SUN1: variants seen among roughly 807,000 people sequenced by gnomAD.
SUN1 encodes the protein SUN domain-containing protein 1.
A neutral mutation model predicts 103.2 loss-of-function variants in SUN1; 61 were observed. The observed-to-expected ratio is 0.59, with a 90% CI of 0.48 to 0.73. SUN1 has a LOEUF of 0.73. Ranked by LOEUF, SUN1 falls within the 30% of genes least tolerant of loss-of-function variation. The probability of loss-of-function intolerance (pLI) is 0.00; values close to 1 mark genes in which losing one functional copy is unlikely to be tolerated. For missense variants in SUN1, 1,052 were observed against 1,034.6 expected (o/e 1.02, Z -0.23); for synonymous variants, 490 against 425.7 (o/e 1.15, Z -1.86).
chr7:832,447 A>G, upstream of SUN1: 2 of 1,435,860 alleles, frequency 1.4e-6, no homozygotes, highest in Non-Finnish European at 1.9e-6. Context: ...CTGAGACAGG[A>G]ATGCGCTCGA....
At chr7:816,280 A>AC (rs542813986), upstream of SUN1, 120 of 91,986 alleles carry the variant, frequency 1.3e-3, 1 homozygote, top group African/African-American at 4.9e-3. Flanking sequence ...CCAGATGCAA[A>AC]CCCCCCCCAG....
At position 832,596 on chromosome 7, in the gene SUN1, G is replaced by A. The variant is rs560089031; in HGVS notation, c.72G>A (p.Ala24=). ...CGGAGAACACGGGCTACACGTATGC[G>A]CTCAGGTGAGTGTGCACCTGCACGT... The part of the protein sequence containing the change: ...CVPENTGYTY[A]LSSSYSSDAL... The change falls in exon 1 of 19, where the codon GCG becomes GCA. Residue 24 remains alanine (A), a synonymous_variant. Coordinates refer to ENST00000401592, the MANE Select transcript of SUN1 (RefSeq NM_001130965.3). 45 of 1,610,870 alleles carry A rather than the reference G, an allele frequency of 2.8e-5. No homozygotes were observed. In the South Asian group the frequency reaches 3.2e-4, roughly 11 times the overall value.
At position 839,689 on chromosome 7, in the gene SUN1, A is replaced by T; in HGVS notation, c.266+703A>T. Among the ~76,000 whole-genome samples the T allele has an allele frequency of 1.8e-5, 2 of 113,028 alleles. 1 individual carries two copies. Among genetic ancestry groups the T allele is most frequent in the East Asian group, 7.3e-4 (2 of 2,740 alleles). The allele number at this position is 113,028 out of a possible 152,430, so 74.2% of individuals were successfully genotyped here. A position where few individuals can be genotyped will look rare whatever the true frequency, so the allele number is the denominator to read the frequency against. ...TGCCTCAGCCTCCCGAGTAGCTGGG[A>T]CTACAGGCACCCACCACCACGCCCA... On this transcript the variant is annotated intron_variant, in intron 2 of 18. Coordinates refer to ENST00000401592, the MANE Select transcript of SUN1 (RefSeq NM_001130965.3).
At chr7:824,247 G>A (rs375898965) in intron 1 of SUN1, among the ~76,000 whole-genome samples, 8 of 152,228 alleles carry the variant, frequency 5.3e-5, no homozygotes, top group African/African-American at 1.4e-4. Context: ...GATGTTTCAC[G>A]TCACTGATAA....
chr7:869,502 G>A lies in SUN1; in HGVS notation c.2134G>A (p.Asp712Asn). ...AGGCAACATCAGCAGCGCCCCCAAG[G>A]ACTTCGCCGTCTATGTGAGTGCCCT... The part of the protein sequence containing the change: ...PTGNISSAPK[D>N]FAVYGLENEY... Residue 712 changes from aspartate (D) to asparagine (N), a missense_variant, in exon 17 of 19, where the codon GAC (aspartate) becomes AAC (asparagine). This residue lies in a region of SUN1 where 206 missense variants were observed against 260.1 expected (regional missense o/e 0.79). Coordinates refer to ENST00000401592, the MANE Select transcript of SUN1 (RefSeq NM_001130965.3). 1 of 1,613,606 alleles carries A rather than the reference G, an allele frequency of 6.2e-7. No homozygotes were observed. The highest frequency in any genetic ancestry group is 8.5e-7 in the Non-Finnish European group (1 of 1,179,796).
chr7:839,089 G>A (rs1008310657), intron 2 of SUN1, 103 bp downstream of exon 2: 25 of 1,243,230 alleles, frequency 2.0e-5, no homozygotes, highest in Non-Finnish European at 2.6e-5. Context: ...TCGAGCTTAA[G>A]GATATGTGTG....
At chr7:824,427 T>C (rs1433663863) in intron 1 of SUN1, among the ~76,000 whole-genome samples, 1 of 152,204 alleles carries the variant, frequency 6.6e-6, no homozygotes, top group Non-Finnish European at 1.5e-5. Flanking sequence ...GTACTGGTTA[T>C]AAGGAAATTC....
chr7:851,685 G>A, intron 6 of SUN1: 1 of 649,716 alleles, frequency 1.5e-6, no homozygotes, highest in Non-Finnish European at 2.6e-6. Context: ...TCTGGGGTTG[G>A]GTCTGGGGGA....
rs377260468 is a variant in SUN1 at position 852,657 on chromosome 7, C to T, written c.900C>T (p.Phe300=). The T allele has an allele frequency of 1.9e-6, 3 of 1,614,186 alleles. No homozygotes were observed. Among genetic ancestry groups the T allele is most frequent in the Admixed American group, 1.7e-5 (1 of 60,018 alleles). Residue 300 remains phenylalanine (F), a synonymous_variant, in exon 8 of 19, where the codon TTC becomes TTT. Transcript: ENST00000401592. ...TTTTAGTCTTGCTCATCCCACTCTT[C>T]CTTTTACTAGGTAAGTCAAATCTGG... The part of the protein sequence containing the change: ...CKFLVLLIPL[F]LLLAGLSLRG...
At chr7:869,644 T>G in intron 17 of SUN1, 128 bp downstream of exon 17, 1 of 1,146,196 alleles carries the variant, frequency 8.7e-7, no homozygotes, top group Non-Finnish European at 1.2e-6. Flanking sequence ...TCAGATTCGG[T>G]GTTGAGGGGA....
chr7:820,105 CAA>C (rs1169518736), intron 1 of SUN1, among the ~76,000 whole-genome samples: 2 of 151,950 alleles, frequency 1.3e-5, no homozygotes, highest in African/African-American at 4.8e-5. Flanking sequence ...TCCATATTTG[CAA>C]AAAAGACCAT....
At chr7:851,041 A>G (rs1226880044) in intron 5 of SUN1, 5 of 189,768 alleles carry the variant, frequency 2.6e-5, no homozygotes, top group South Asian at 2.5e-4. Flanking sequence ...GATCTTCCCA[A>G]TATAAATTGT....
chr7:860,443 C>G (rs1435348354), intron 14 of SUN1, 61 bp downstream of exon 14: 1 of 1,586,438 alleles, frequency 6.3e-7, no homozygotes, highest in Non-Finnish European at 8.6e-7. Flanking sequence ...AGACTGAAGA[C>G]CTAGCTGTGA....
chr7:849,282 G>A (rs76702018), intron 5 of SUN1, among the ~76,000 whole-genome samples: 6,449 of 152,294 alleles, frequency 0.042, 142 homozygotes, highest in Middle Eastern at 0.051. Flanking sequence ...GCCAATCTTT[G>A]TATTGTTTGG....
Position 839,002 on chromosome 7 carries a change from C to T in SUN1, c.266+16C>T, listed in dbSNP as rs374487494. 1.3e-6 allele frequency: 2 copies of T among 1,531,616 alleles called. No homozygotes were observed. The highest frequency in any genetic ancestry group is 1.2e-5 in the South Asian group (1 of 81,308). 94.9% of individuals were successfully genotyped at this position (1,531,616 alleles called of 1,614,324 possible). The stretch of plus-strand genomic sequence containing the variant: ...GAGCGGCCAGGTGAGCACCGCTGCA[C>T]TTCCTCTCCATCTGATCTCTAACAC... On this transcript the variant is annotated intron_variant, in intron 2 of 18. Coordinates refer to ENST00000401592, the MANE Select transcript of SUN1 (RefSeq NM_001130965.3).
At chr7:861,349 G>A in intron 14 of SUN1, 31 bp from the exon 15 acceptor site, 3 of 1,613,140 alleles carry the variant, frequency 1.9e-6, no homozygotes, top group Non-Finnish European at 2.5e-6. Flanking sequence ...CTGTTCTGGT[G>A]TTTGGTCTTC....
chr7:822,534 G>C (rs75177022), intron 1 of SUN1, among the ~76,000 whole-genome samples: 17,152 of 152,200 alleles, frequency 0.11, 1,171 homozygotes, highest in South Asian at 0.23. Flanking sequence ...TGGTCGCTTT[G>C]TTCTCAGCCA....
intron 5 of SUN1, among the ~76,000 whole-genome samples, chr7:848,223 G>C (rs985754235): frequency 6.6e-6 from 1 of 152,178 alleles, no homozygotes; most frequent in African/African-American, 2.4e-5. Context: ...CCAGTCTTCG[G>C]GGTACCCTGG....
At chr7:830,823 C>T (rs934180384), upstream of SUN1, 13 of 388,288 alleles carry the variant, frequency 3.3e-5, no homozygotes, top group African/African-American at 1.1e-4. Flanking sequence ...CAGGGTATAG[C>T]GGGAGTGGGC....
Sources: gnomAD v4.1 joint callset for allele counts (sites outside exome capture counted in the v4.1 genomes callset) on GRCh38, gnomAD v4.1.1 for gene constraint, gnomAD v4.1.1 regional missense constraint, MANE v1.5 for transcripts, NCBI Gene and HGNC (gene_info 2026-07-23, HGNC 2026-07-21) for gene names.